The following TNIK variants were observed in gnomAD, a reference collection of about 807,000 sequenced individuals.
TNIK encodes the protein TRAF2 and NCK interacting kinase.
A neutral mutation model predicts 191.3 loss-of-function variants in TNIK; 49 were observed. The ratio of observed to expected loss-of-function variants is 0.26; its 90% CI spans 0.20 to 0.32. TNIK has a LOEUF of 0.32. TNIK is among the 10% of genes least tolerant of loss of function. The pLI is 1.00. For synonymous variants in TNIK, 594 were observed against 600.9 expected (o/e 0.99, Z 0.17); for missense variants, 1,155 against 1,702.3 (o/e 0.68, Z 5.66).
intron 21 of TNIK, among the ~76,000 whole-genome samples, chr3:171,103,140 TTCAACCTTTGCATTACATACA>T (rs1430311780): frequency 3.3e-5 from 5 of 152,130 alleles, no homozygotes; most frequent in Non-Finnish European, 7.4e-5. Flanking sequence ...CTGCTAAAAA[TTCAACCTTTGCATTACATACA>T]GAAACACACT....
At chr3:171,452,055 G>C (rs897037225) in intron 1 of TNIK, among the ~76,000 whole-genome samples, 1 of 152,186 alleles carries the variant, frequency 6.6e-6, no homozygotes, top group African/African-American at 2.4e-5. Flanking sequence ...TAGAGAGACA[G>C]CACTTTAAAA....
intron 23 of TNIK, among the ~76,000 whole-genome samples, chr3:171,091,156 G>A (rs905065049): frequency 6.6e-6 from 1 of 152,096 alleles, no homozygotes; most frequent in Admixed American, 6.5e-5. Context: ...GTCTGTAAGT[G>A]TTTCTGGAAG....
At chr3:171,206,275 A>G (rs1740063601) in intron 4 of TNIK, among the ~76,000 whole-genome samples, 1 of 151,502 alleles carries the variant, frequency 6.6e-6, no homozygotes, top group Admixed American at 6.6e-5. Context: ...TAATATATAC[A>G]TATACATATG....
intron 1 of TNIK, among the ~76,000 whole-genome samples, chr3:171,418,571 A>C (rs765526433): frequency 2.6e-5 from 4 of 152,208 alleles, no homozygotes; most frequent in Non-Finnish European, 4.4e-5. Flanking sequence ...AACAATCTAA[A>C]TGAAAAAAGT....
chr3:171,244,204 A>G (rs186758901), intron 2 of TNIK, among the ~76,000 whole-genome samples: 4,853 of 151,888 alleles, frequency 0.032, 110 homozygotes, highest in South Asian at 0.089. Flanking sequence ...AGCTGGGACT[A>G]CAGGCGCCCG....
Position 171,460,218 on chromosome 3 carries a change from GATCCCGA to G in TNIK, c.-162_-156del. The G allele has an allele frequency of 2.2e-6, 2 of 915,288 alleles. No individual in the cohort carries two copies. The highest frequency in any genetic ancestry group is 3.3e-6 in the Non-Finnish European group (2 of 607,134). 56.7% of individuals were successfully genotyped at this position (915,288 alleles called of 1,614,324 possible). On this transcript the variant is annotated 5_prime_UTR_variant, in exon 1 of 33. Transcript: ENST00000436636. The surrounding 1 kb of genome is among the most constrained non-coding windows in gnomAD (Gnocchi z 6.8). ...CGCCCACCCCAGCCCCACAGCGCCGGATCCCGATCCTCCGCGCGTCGGTCCGCCGGGT... is the reference window on the plus strand; with the variant it reads ...CGCCCACCCCAGCCCCACAGCGCCGGTCCTCCGCGCGTCGGTCCGCCGGGT...
chr3:171,128,575 C>G (rs1485831614), intron 16 of TNIK, 139 bp downstream of exon 16: 2 of 1,081,688 alleles, frequency 1.8e-6, no homozygotes, highest in African/African-American at 3.2e-5. Flanking sequence ...GTGGGGCCAC[C>G]TATTTTACTA....
chr3:171,380,026 C>T (rs1383052481), intron 1 of TNIK, among the ~76,000 whole-genome samples: 2 of 60,728 alleles, frequency 3.3e-5, no homozygotes, highest in African/African-American at 6.0e-5. Context: ...CACACACACA[C>T]GCGCACACAC....
intron 2 of TNIK, among the ~76,000 whole-genome samples, chr3:171,235,034 T>C (rs1744094605): frequency 6.6e-6 from 1 of 152,196 alleles, no homozygotes; most frequent in South Asian, 2.1e-4. Flanking sequence ...TTTGTTTATT[T>C]ATTCATTTAT....
chr3:171,231,297 T>TTTG lies in TNIK; in HGVS notation c.124-3079_124-3077dup, dbSNP rs567551017. Among the ~76,000 whole-genome samples, 4 of 151,540 alleles carry TTTG rather than the reference T, an allele frequency of 2.6e-5. No individual in the cohort carries two copies. The East Asian group carries it at 5.8e-4, about 22-fold the overall frequency. On this transcript the variant is annotated intron_variant, in intron 2 of 32. Transcript: ENST00000436636. ...TTTTGTTGTTGCTACTGTTTTTTGT[T>TTTG]TTGTTGTTGTTGTTGTTTTGTTTTT...
intron 1 of TNIK, among the ~76,000 whole-genome samples, chr3:171,444,014 G>GC (rs1727169622): frequency 6.6e-6 from 1 of 152,016 alleles, no homozygotes; most frequent in Non-Finnish European, 1.5e-5. Flanking sequence ...CTTCAAAATA[G>GC]TTCTTCTATG....
Position 171,372,995 on chromosome 3 carries a change from C to T in TNIK, c.58-3310G>A, listed in dbSNP as rs953255494. Among the ~76,000 whole-genome samples, 3 of 152,190 alleles carry T rather than the reference C, an allele frequency of 2.0e-5. No individual in the cohort carries two copies. The South Asian group carries it at 6.2e-4, about 31-fold the overall frequency. ...GGTATTATTCAGTGACACCTCAGTA[C>T]TGACCCTAGGCTCTCTTCTCTCTTT... On this transcript the variant is annotated intron_variant, in intron 1 of 32. Coordinates refer to ENST00000436636, the MANE Select transcript of TNIK (RefSeq NM_015028.4).
chr3:171,201,137 C>T (rs920851247), intron 4 of TNIK, among the ~76,000 whole-genome samples: 13 of 152,188 alleles, frequency 8.5e-5, no homozygotes, highest in African/African-American at 2.4e-4. Flanking sequence ...CAGTGGCTTA[C>T]GCCTGTAATC....
intron 21 of TNIK, among the ~76,000 whole-genome samples, chr3:171,105,334 A>G (rs1490755812): frequency 1.3e-5 from 2 of 152,188 alleles, no homozygotes; most frequent in African/African-American, 2.4e-5. Context: ...GTTTGGCAGC[A>G]GCACCCCTCT....
At chr3:171,098,063 T>TGATTCCCCACTCCTC (rs1322894036) in intron 22 of TNIK, among the ~76,000 whole-genome samples, 2 of 152,242 alleles carry the variant, frequency 1.3e-5, no homozygotes, top group African/African-American at 4.8e-5. Context: ...AGGGAACGCA[T>TGATTCCCCACTCCTC]GATTCCCCAC....
In TNIK at chr3:171,358,784, T is replaced by C. The variant is rs1245501301; in HGVS notation, c.123+10836A>G. 2.6e-5 allele frequency among the ~76,000 whole-genome samples: 4 copies of C among 152,240 alleles called. No individual in the cohort carries two copies. The East Asian group carries it at 5.8e-4, about 22-fold the overall frequency. On this transcript the variant is annotated intron_variant, in intron 2 of 32. Coordinates refer to ENST00000436636, the MANE Select transcript of TNIK (RefSeq NM_015028.4). ...ATAATAAAGTGGGCTGTTGGTGAGGTACCTTGGAGGAACGCCAACGTAAGG... is the reference window on the plus strand; with the variant it reads ...ATAATAAAGTGGGCTGTTGGTGAGGCACCTTGGAGGAACGCCAACGTAAGG...
chr3:171,246,354 T>C (rs1442693603), intron 2 of TNIK, among the ~76,000 whole-genome samples: 2 of 151,846 alleles, frequency 1.3e-5, no homozygotes, highest in Non-Finnish European at 2.9e-5. Context: ...TCAGCAAAAA[T>C]AGGAGGGCTG....
chr3:171,230,563 C>T (rs940956359), intron 2 of TNIK, among the ~76,000 whole-genome samples: 5 of 152,108 alleles, frequency 3.3e-5, no homozygotes, highest in African/African-American at 1.2e-4. Context: ...ACTCTGTGGA[C>T]CTTGAGAACA....
At chr3:171,235,238 C>G (rs1487561219) in intron 2 of TNIK, among the ~76,000 whole-genome samples, 1 of 152,128 alleles carries the variant, frequency 6.6e-6, no homozygotes, top group Admixed American at 6.5e-5. Context: ...GCCAGGGTTT[C>G]GCCATGTTGG....
Sources: allele counts gnomAD v4.1 joint callset (sites outside exome capture counted in the v4.1 genomes callset), GRCh38; gene constraint gnomAD v4.1.1; non-coding constraint Gnocchi (gnomAD v3.1); transcripts MANE v1.5; gene names NCBI Gene and HGNC (gene_info 2026-07-23, HGNC 2026-07-21).